SLC44A5: variants seen among roughly 807,000 people sequenced by gnomAD.
The protein encoded by SLC44A5 is solute carrier family 44 member 5.
In SLC44A5, 57 loss-of-function variants were observed where a neutral mutation model predicts 101.8. The observed-to-expected ratio is 0.56, with a 90% confidence interval of 0.45 to 0.70. The LOEUF (loss-of-function observed/expected upper bound fraction) is 0.70, where lower values mean the gene tolerates loss of function less well. Among genes scored for constraint, SLC44A5 ranks in the 30% least tolerant of loss-of-function variants. SLC44A5 has a pLI of 0.00. For synonymous variants in SLC44A5, 281 were observed against 290.9 expected, an observed-to-expected ratio of 0.97 and a Z score of 0.35; for missense variants, 737 against 853.1, an observed-to-expected ratio of 0.86 and a Z score of 1.70.
At chr1:75,405,826 A>C (rs777203649) in intron 2 of SLC44A5, among the ~76,000 whole-genome samples, 6 of 149,686 alleles carry the variant, frequency 4.0e-5, no homozygotes, top group Non-Finnish European at 8.9e-5. Context: ...CAAATTCAAA[A>C]GCTAGCAGAA....
intron 2 of SLC44A5, among the ~76,000 whole-genome samples, chr1:75,487,808 C>G (rs1668231056): frequency 6.6e-6 from 1 of 152,186 alleles, no homozygotes; most frequent in East Asian, 1.9e-4. Flanking sequence ...TCCCCAGTCC[C>G]CAGGTCACAG....
rs148449870 is a variant in SLC44A5, at chr1:75,578,619, A to C, written c.-70+32421T>G. 5.7e-3 allele frequency among the ~76,000 whole-genome samples: 865 copies of C among 152,292 alleles called. 13 individuals carry two copies. Among genetic ancestry groups the C allele is most frequent in the Admixed American group, 0.035 (529 of 15,288 alleles). On this transcript the variant is annotated intron_variant, in intron 1 of 23. Transcript: ENST00000370859. ...GAAACAGAGCATAGAATGGTGGTTG[A>C]CAGGGGCTGTGGGGGCAGGTGCAGG...
chr1:75,267,004 C>T (rs1651050214), intron 6 of SLC44A5, among the ~76,000 whole-genome samples: 1 of 152,196 alleles, frequency 6.6e-6, no homozygotes, highest in South Asian at 2.1e-4. Flanking sequence ...AAATAGCACA[C>T]TGCGCCGAAC....
intron 3 of SLC44A5, among the ~76,000 whole-genome samples, chr1:75,369,384 T>C (rs1316947099): frequency 6.6e-6 from 1 of 152,142 alleles, no homozygotes; most frequent in Non-Finnish European, 1.5e-5. Flanking sequence ...CAGAGAAATT[T>C]AAAAATAATG....
rs373184881 is a variant in SLC44A5, at chr1:75,310,148, GC to G, written c.102-9464del. ...GATGTATCTGTTAAGAATTTGCTTG[GC>G]TGAAAATACCAGGAAACTTAAAGCC... On this transcript the variant is annotated intron_variant, in intron 4 of 23. Transcript: ENST00000370859. Among the ~76,000 whole-genome samples the G allele has an allele frequency of 6.6e-5, 10 of 152,220 alleles. No individual in the cohort carries two copies. The East Asian group carries it at 1.5e-3, about 23-fold the overall frequency.
chr1:75,633,618 G>C, the SLC44A5 span, among the ~76,000 whole-genome samples: 5 of 151,988 alleles, frequency 3.3e-5, no homozygotes, highest in East Asian at 9.6e-4. Flanking sequence ...AGGAGATTTT[G>C]GGCTGAGACA....
At chr1:75,378,103 C>T (rs531148507) in intron 3 of SLC44A5, among the ~76,000 whole-genome samples, 1,427 of 81,220 alleles carry the variant, frequency 0.018, 498 homozygotes, top group African/African-American at 0.11. Flanking sequence ...TACGCTCGAG[C>T]GTGGTCATTG....
At chr1:75,388,815 A>G (rs1161187273) in intron 3 of SLC44A5, among the ~76,000 whole-genome samples, 1 of 151,920 alleles carries the variant, frequency 6.6e-6, no homozygotes, top group African/African-American at 2.4e-5. Context: ...ACATATCAAT[A>G]TTAACCTTGA....
chr1:75,523,939 G>A (rs1276897101), intron 2 of SLC44A5, among the ~76,000 whole-genome samples: 3 of 152,180 alleles, frequency 2.0e-5, no homozygotes, highest in Non-Finnish European at 4.4e-5. Context: ...CCTTCTCCAA[G>A]GGAATAAAGT....
At chr1:75,457,309 T>G (rs544816033) in intron 2 of SLC44A5, among the ~76,000 whole-genome samples, 2 of 151,998 alleles carry the variant, frequency 1.3e-5, no homozygotes, top group Non-Finnish European at 2.9e-5. Context: ...AAAAAGACAA[T>G]TAGCATAAAT....
rs117398699 is a variant in SLC44A5, at chr1:75,507,550, C to G, written c.13+33885G>C. On this transcript the variant is annotated intron_variant, in intron 2 of 23. Transcript: ENST00000370859. ...TCTTTGCCAGGTTTTGGTACTATGG[C>G]GAGGCTGGCTTTATAGAATCAGTTA... 7.0e-3 allele frequency among the ~76,000 whole-genome samples: 1,069 copies of G among 152,106 alleles called. 40 individuals carry two copies. The East Asian group carries it at 0.1, about 14-fold the overall frequency.
the SLC44A5 span, chr1:75,641,847 C>T: frequency 3.3e-6 from 5 of 1,506,078 alleles, no homozygotes; most frequent in African/African-American, 5.5e-5. Context: ...AAAATAACCT[C>T]CTCTTCAAAT....
chr1:75,645,665 C>T, the SLC44A5 span, among the ~76,000 whole-genome samples: 5 of 149,632 alleles, frequency 3.3e-5, no homozygotes, highest in East Asian at 1.1e-3. Flanking sequence ...GCTTTTGTTG[C>T]CATTGCTGTT....
intron 23 of SLC44A5, 49 bp from the exon 24 acceptor site, chr1:75,203,882 G>T: frequency 6.7e-7 from 1 of 1,495,316 alleles, no homozygotes; most frequent in Non-Finnish European, 8.9e-7. Context: ...AACTGTAAGA[G>T]AAGTAACACC....
intron 1 of SLC44A5, among the ~76,000 whole-genome samples, chr1:75,559,905 A>G (rs1672424751): frequency 6.6e-6 from 1 of 152,214 alleles, no homozygotes; most frequent in Non-Finnish European, 1.5e-5. Flanking sequence ...TCCAAAGAAT[A>G]TATACACATG....
the SLC44A5 span, chr1:75,723,519 G>A: frequency 6.6e-6 from 1 of 152,198 alleles, no homozygotes; most frequent in African/African-American, 2.4e-5. Context: ...TGTACAGTAA[G>A]AAGGGGTTAC....
chr1:75,627,137 T>A, the SLC44A5 span, among the ~76,000 whole-genome samples: 1 of 152,208 alleles, frequency 6.6e-6, no homozygotes, highest in Non-Finnish European at 1.5e-5. Flanking sequence ...CCTTTGTGTA[T>A]TACCGTAACA....
intron 2 of SLC44A5, among the ~76,000 whole-genome samples, chr1:75,480,005 A>C (rs1386084261): frequency 1.3e-5 from 2 of 152,240 alleles, no homozygotes; most frequent in East Asian, 3.8e-4. Context: ...AATCCTCAAT[A>C]AAATACTGGC....
At chr1:75,531,208 C>T (rs1670702590) in intron 2 of SLC44A5, among the ~76,000 whole-genome samples, 1 of 152,170 alleles carries the variant, frequency 6.6e-6, no homozygotes, top group Non-Finnish European at 1.5e-5. Flanking sequence ...AAAGCCTGTC[C>T]ATAAATAGAC....
Sources: allele counts gnomAD v4.1 joint callset (sites outside exome capture counted in the v4.1 genomes callset), GRCh38; gene constraint gnomAD v4.1.1; transcripts MANE v1.5; gene names NCBI Gene and HGNC (gene_info 2026-07-23, HGNC 2026-07-21).